The following ANKMY1 variants were observed in gnomAD, a reference collection of about 807,000 sequenced individuals.
ANKMY1 encodes the protein ankyrin repeat and MYND domain containing 1, also known as ankyrin repeat and MYND domain-containing protein 1.
ANKMY1 carries 98 observed loss-of-function variants against 102.0 expected under a neutral mutation model. That is an observed-to-expected ratio of 0.96 (90% CI 0.82 to 1.14). ANKMY1 has a LOEUF of 1.14. Among genes scored for constraint, ANKMY1 ranks in the 50% most tolerant of loss-of-function variants. The pLI, the probability that ANKMY1 is intolerant of heterozygous loss-of-function variation, is 0.00. For missense variants in ANKMY1, 1,330 were observed against 1,347.6 expected (o/e 0.99, Z 0.20); for synonymous variants, 582 against 559.9 (o/e 1.04, Z -0.56).
At chr2:240,525,308 G>A (rs183465037) in intron 7 of ANKMY1, among the ~76,000 whole-genome samples, 33 of 152,352 alleles carry the variant, frequency 2.2e-4, no homozygotes, top group East Asian at 1.9e-4. Context: ...GACTGAGACC[G>A]AACCCCTGGT....
chr2:240,512,036 G>A (rs2080294964), intron 10 of ANKMY1, 35 bp from the exon 11 acceptor site: 1 of 1,504,356 alleles, frequency 6.6e-7, no homozygotes, highest in East Asian at 2.7e-5. Context: ...AGCGCCCACG[G>A]ACCTGCCGTG....
intron 15 of ANKMY1, among the ~76,000 whole-genome samples, chr2:240,497,361 G>T (rs528124774): frequency 6.6e-6 from 1 of 152,340 alleles, no homozygotes; most frequent in African/African-American, 2.4e-5. Flanking sequence ...GGCAGGATGA[G>T]AATTATTGAC....
chr2:240,527,711 T>TGTTGC (rs1335424706), intron 5 of ANKMY1: 3 of 152,566 alleles, frequency 2.0e-5, no homozygotes, highest in Admixed American at 6.5e-5. Context: ...CATGAATGGA[T>TGTTGC]ATTGCATGCA....
Position 240,482,212 on chromosome 2 carries a change from G to A in ANKMY1, c.2856C>T (p.Pro952=), listed in dbSNP as rs921878405. 37 of 1,612,652 alleles carry A rather than the reference G, an allele frequency of 2.3e-5. No individual in the cohort carries two copies. The highest frequency in any genetic ancestry group is 3.1e-5 in the Non-Finnish European group (36 of 1,179,390). ...CCTGCTCCTTCACATCCAGGCCCCT[G>A]GGCAGGCTGGGGCCCTTCTTCTTCA... is the stretch of plus-strand genomic sequence containing the variant. ...HRMKKKGPSL[P]RGLDVKEQGQ... is the part of the protein sequence containing the mutation. Residue 952 remains proline (P), a synonymous_variant, in exon 16 of 18, where the codon CCC becomes CCT. Coordinates refer to ENST00000401804, the MANE Select transcript of ANKMY1 (RefSeq NM_001282771.3).
chr2:240,525,877 A>G (rs1178927340), intron 6 of ANKMY1, 28 bp from the exon 7 acceptor site: 21 of 1,609,776 alleles, frequency 1.3e-5, no homozygotes, highest in Non-Finnish European at 1.8e-5. Flanking sequence ...AGGACTCAGG[A>G]TGATGCACCT....
chr2:240,524,438 T>C (rs1457289559), intron 7 of ANKMY1, 57 bp from the exon 8 acceptor site: 2 of 1,531,164 alleles, frequency 1.3e-6, no homozygotes, highest in African/African-American at 2.8e-5. Context: ...AACCTCATTC[T>C]AGGACCTTCT....
intron 4 of ANKMY1, among the ~76,000 whole-genome samples, chr2:240,550,161 A>G (rs2091236906): frequency 1.3e-5 from 2 of 152,118 alleles, no homozygotes; most frequent in Non-Finnish European, 2.9e-5. Context: ...TGTGGCATAT[A>G]TACACCATGG....
At chr2:240,477,554 C>A (rs574200512), downstream of ANKMY1, among the ~76,000 whole-genome samples, 1 of 152,188 alleles carries the variant, frequency 6.6e-6, no homozygotes, top group African/African-American at 2.4e-5. Flanking sequence ...GCGACCACAC[C>A]TGACTAAGAT....
At chr2:240,526,150 G>A in intron 6 of ANKMY1, 79 bp downstream of exon 6, 1 of 1,526,144 alleles carries the variant, frequency 6.6e-7, no homozygotes, top group Non-Finnish European at 9.1e-7. Flanking sequence ...CTGCAGAGGG[G>A]GCCACAGAGG....
chr2:240,492,554 G>C (rs2076770102), intron 15 of ANKMY1, among the ~76,000 whole-genome samples: 1 of 151,960 alleles, frequency 6.6e-6, no homozygotes, highest in Admixed American at 6.6e-5. Context: ...TTCAGTTCCA[G>C]AATTTCTGTT....
chr2:240,540,177 C>G (rs564688748), intron 4 of ANKMY1, among the ~76,000 whole-genome samples: 1 of 152,310 alleles, frequency 6.6e-6, no homozygotes, highest in South Asian at 2.1e-4. Context: ...ACCTGTAAGC[C>G]TCCTCTTCCA....
chr2:240,514,072 C>T (rs564133586), intron 9 of ANKMY1, among the ~76,000 whole-genome samples: 10 of 152,202 alleles, frequency 6.6e-5, no homozygotes, highest in African/African-American at 2.4e-4. Context: ...GAGGCCACAC[C>T]CTCCTTACAT....
chr2:240,551,653 G>T (rs1238846591), intron 4 of ANKMY1, among the ~76,000 whole-genome samples: 1 of 152,206 alleles, frequency 6.6e-6, no homozygotes, highest in African/African-American at 2.4e-5. Flanking sequence ...ACTCTATTTA[G>T]ATTAACCTTT....
intron 9 of ANKMY1, among the ~76,000 whole-genome samples, chr2:240,514,649 T>C (rs1268674732): frequency 6.6e-6 from 1 of 152,218 alleles, no homozygotes; most frequent in South Asian, 2.1e-4. Context: ...CCAATGACAC[T>C]CTGCAGAGAG....
At chr2:240,522,298 C>G (rs978609405) in intron 8 of ANKMY1, 4 of 152,236 alleles carry the variant, frequency 2.6e-5, no homozygotes, top group African/African-American at 9.6e-5. Context: ...TAATGCTCAC[C>G]AACTTGTTAA....
chr2:240,486,807 T>C (rs780298378), intron 15 of ANKMY1, among the ~76,000 whole-genome samples: 1 of 152,198 alleles, frequency 6.6e-6, no homozygotes, highest in Admixed American at 6.5e-5. Context: ...AGAGCCACCA[T>C]GTCCAGCCAT....
chr2:240,505,109 G>C (rs181324768), intron 13 of ANKMY1, among the ~76,000 whole-genome samples: 1 of 152,158 alleles, frequency 6.6e-6, no homozygotes, highest in Non-Finnish European at 1.5e-5. Flanking sequence ...TCTGTGCACT[G>C]TTGGTGAGAA....
At chr2:240,521,982 T>G (rs989385824) in intron 8 of ANKMY1, 2 of 152,230 alleles carry the variant, frequency 1.3e-5, no homozygotes, top group Non-Finnish European at 1.5e-5. Context: ...GAACAAAGCT[T>G]CCACAGCACA....
chr2:240,509,237 A>ATGGG, intron 12 of ANKMY1, 111 bp downstream of exon 12: 1 of 834,610 alleles, frequency 1.2e-6, no homozygotes, highest in Non-Finnish European at 1.8e-6. Flanking sequence ...GGATGGATGG[A>ATGGG]TGGATGGATA....
Sources: gnomAD v4.1 joint callset for allele counts (sites outside exome capture counted in the v4.1 genomes callset) on GRCh38, gnomAD v4.1.1 for gene constraint, MANE v1.5 for transcripts, NCBI Gene and HGNC (gene_info 2026-07-23, HGNC 2026-07-21) for gene names.